Variants in DCTN2 observed in about 807,000 individuals in gnomAD.
The protein encoded by DCTN2 is 50 kDa dynein-associated polypeptide.
In DCTN2, 18 loss-of-function variants were observed where a neutral mutation model predicts 55.4. The observed-to-expected ratio is 0.32, with a 90% confidence interval of 0.22 to 0.48. The LOEUF (loss-of-function observed/expected upper bound fraction) is 0.48. DCTN2 is among the 20% of genes least tolerant of loss of function. The probability of loss-of-function intolerance (pLI) is 0.99; values close to 1 mark genes in which losing one functional copy is unlikely to be tolerated. For synonymous variants in DCTN2, 168 were observed against 185.2 expected (o/e 0.91, Z 0.76); for missense variants, 390 against 491.0 (o/e 0.79, Z 1.94).
At position 57,535,369 on chromosome 12, in the gene DCTN2, C is replaced by G. The variant is rs888830572; in HGVS notation, c.264+115G>C. Reference sequence around the variant, plus strand: ...TTCCCTGGCTGCATCCTGCTGCTTCCTCAGGAACAGAGGAGGAACAGAATC... The same window carrying G: ...TTCCCTGGCTGCATCCTGCTGCTTCGTCAGGAACAGAGGAGGAACAGAATC... On this transcript the variant is annotated intron_variant, in intron 4 of 13. Coordinates refer to ENST00000548249, the MANE Select transcript of DCTN2 (RefSeq NM_001261413.2). 7.2e-6 allele frequency: 10 copies of G among 1,381,732 alleles called. No homozygotes were observed. The East Asian group carries it at 1.8e-4, about 25-fold the overall frequency. 85.6% of individuals were successfully genotyped at this position (1,381,732 alleles called of 1,614,324 possible).
Position 57,534,021 on chromosome 12 carries a change from C to G in DCTN2, c.601G>C (p.Asp201His). 1 of 1,613,652 alleles carries G rather than the reference C, an allele frequency of 6.2e-7. No individual in the cohort carries two copies. Among genetic ancestry groups the G allele is most frequent in the Non-Finnish European group, 8.5e-7 (1 of 1,179,732 alleles). Residue 201 changes from aspartate (D) to histidine (H), a missense_variant, in exon 7 of 14, where the codon GAT becomes CAT. Asp to His is a moderately conservative substitution (Grantham distance 81). Around this residue, in one of 2 missense-constraint regions of DCTN2, gnomAD observed 273 missense variants for 303.2 expected, o/e 0.90. Coordinates refer to ENST00000548249, the MANE Select transcript of DCTN2 (RefSeq NM_001261413.2). ...SGGKTTGTPP[D>H]SSLVTYELHS... Reference sequence around the variant, plus strand: ...AGTTCATAAGTGACAAGGCTGCTATCTGGGGGGGTCCCAGTGGTTTTTCCC... The same window carrying G: ...AGTTCATAAGTGACAAGGCTGCTATGTGGGGGGGTCCCAGTGGTTTTTCCC...
intron 7 of DCTN2, 36 bp from the exon 8 acceptor site, chr12:57,533,339 T>C (rs1473803326): frequency 1.9e-6 from 3 of 1,594,850 alleles, no homozygotes; most frequent in East Asian, 2.2e-5. Flanking sequence ...TGCCATCTGC[T>C]TCCCTGCTGC....
intron 2 of DCTN2, among the ~76,000 whole-genome samples, chr12:57,544,689 G>C (rs1167701738): frequency 1.3e-5 from 2 of 151,956 alleles, no homozygotes; most frequent in Non-Finnish European, 2.9e-5. Flanking sequence ...CACCACACTG[G>C]GCCTATTTTT....
chr12:57,531,870 C>A (rs1879747858), intron 13 of DCTN2, 145 bp downstream of exon 13: 1 of 1,142,312 alleles, frequency 8.8e-7, no homozygotes. Context: ...AGGGCCTTCA[C>A]ATTGAAAGCA....
chr12:57,533,469 C>T (rs747060835), intron 7 of DCTN2, among the ~76,000 whole-genome samples, 166 bp from the exon 8 acceptor site: 7 of 152,088 alleles, frequency 4.6e-5, no homozygotes, highest in Non-Finnish European at 1.0e-4. Context: ...GGTAGATGGG[C>T]GAGGGAAACA....
At chr12:57,533,391 C>T in intron 7 of DCTN2, 88 bp from the exon 8 acceptor site, 3 of 1,173,844 alleles carry the variant, frequency 2.6e-6, no homozygotes, top group South Asian at 2.5e-5. Flanking sequence ...CTGCCTGCCA[C>T]TCACCACCCC....
In DCTN2 at chr12:57,542,205, G is replaced by T. The variant is rs187137480; in HGVS notation, c.105+3823C>A. Among the ~76,000 whole-genome samples, 7 of 152,070 alleles carry T rather than the reference G, an allele frequency of 4.6e-5. No individual in the cohort carries two copies. In the East Asian group the frequency reaches 1.4e-3, roughly 29 times the overall value. On this transcript the variant is annotated intron_variant, in intron 2 of 13. Coordinates refer to ENST00000548249, the MANE Select transcript of DCTN2 (RefSeq NM_001261413.2). ...GCAGGAGAATCTCTTGAACTCGGGA[G>T]GTGGAGGTTACAGTGAGCTGAGATC...
intron 11 of DCTN2, 54 bp from the exon 12 acceptor site, chr12:57,532,369 T>A (rs1879814292): frequency 3.4e-6 from 5 of 1,457,330 alleles, no homozygotes; most frequent in Admixed American, 2.0e-5. Flanking sequence ...CAGGTCAGTA[T>A]GTACAGACTG....
intron 1 of DCTN2, among the ~76,000 whole-genome samples, chr12:57,546,315 G>A (rs1881150230): frequency 6.6e-6 from 1 of 152,204 alleles, no homozygotes; most frequent in Non-Finnish European, 1.5e-5. Context: ...AGTAAACGGT[G>A]AGTGTAAGTG....
In DCTN2 at chr12:57,533,009, G is replaced by C. The variant is rs1413125847; in HGVS notation, c.749C>G (p.Ala250Gly). The C allele has an allele frequency of 5.0e-6, 8 of 1,601,802 alleles. No homozygotes were observed. Among genetic ancestry groups the C allele is most frequent in the Non-Finnish European group, 6.8e-6 (8 of 1,174,586 alleles). ...CDQDAQNPLS[A>G]GLQGACLMET... ...CATGAGACAGGCTCCCTGTAGACCT[G>C]CAGAAAGGGGATTCTGGTGGGAAAG... Residue 250 changes from alanine (A) to glycine (G), a missense_variant, in exon 9 of 14, where the codon GCA (alanine) becomes GGA (glycine). Ala to Gly is a moderately conservative substitution (Grantham distance 60). Transcript: ENST00000548249.
At chr12:57,532,359 C>T in intron 11 of DCTN2, 44 bp from the exon 12 acceptor site, 1 of 1,511,290 alleles carries the variant, frequency 6.6e-7, no homozygotes. Context: ...CTGAGGCAGC[C>T]AGGTCAGTAT....
chr12:57,534,252 C>G, intron 6 of DCTN2, 40 bp downstream of exon 6: 1 of 1,549,338 alleles, frequency 6.5e-7, no homozygotes, highest in Non-Finnish European at 8.8e-7. Flanking sequence ...CATCCACAAC[C>G]CCAGTCAGCA....
Position 57,533,281 on chromosome 12 carries a change from A to AG in DCTN2, c.691dup (p.Leu231ProfsTer11). 1 of 1,613,972 alleles carries AG rather than the reference A, an allele frequency of 6.2e-7. No individual in the cohort carries two copies. The highest frequency in any genetic ancestry group is 8.5e-7 in the Non-Finnish European group (1 of 1,179,886). ...ACGTACAGCTGTCTCCAGCTCTGTC[A>AG]GGCGCTTTTCAAGTTCTGCGACCTA... is the stretch of plus-strand genomic sequence containing the variant. On this transcript the variant is annotated frameshift_variant, in exon 8 of 14. Coordinates refer to ENST00000548249, the MANE Select transcript of DCTN2 (RefSeq NM_001261413.2). LOFTEE classifies it high-confidence loss of function.
At chr12:57,545,131 T>C (rs990047985) in intron 2 of DCTN2, among the ~76,000 whole-genome samples, 4 of 152,230 alleles carry the variant, frequency 2.6e-5, no homozygotes, top group African/African-American at 9.6e-5. Flanking sequence ...ATACTGAGCC[T>C]GCATATTGCA....
rs769411839 is a variant in DCTN2, at chr12:57,535,713, A to G, written c.202+36T>C. On this transcript the variant is annotated intron_variant, in intron 3 of 13. Transcript: ENST00000548249. ...AAACCACTTCTCATGCTTATCCTCCAGTCTTCCCCCCACCCAGCTTCCAGC... is the reference window on the plus strand; with the variant it reads ...AAACCACTTCTCATGCTTATCCTCCGGTCTTCCCCCCACCCAGCTTCCAGC... The G allele has an allele frequency of 7.6e-6, 12 of 1,579,604 alleles. No homozygotes were observed. The East Asian group carries it at 2.7e-4, about 35-fold the overall frequency.
At chr12:57,538,434 AT>A in intron 2 of DCTN2, 1 of 724,288 alleles carries the variant, frequency 1.4e-6, no homozygotes, top group Non-Finnish European at 2.5e-6. Flanking sequence ...TGAATGAAAG[AT>A]TTAGTAGAGT....
intron 2 of DCTN2, chr12:57,542,974 A>G (rs1012117867): frequency 4.4e-6 from 2 of 455,964 alleles, no homozygotes; most frequent in Non-Finnish European, 8.8e-6. Context: ...CTGTGCATAC[A>G]TTACCTACTT....
At chr12:57,544,969 A>T (rs1413296970) in intron 2 of DCTN2, among the ~76,000 whole-genome samples, 1 of 152,218 alleles carries the variant, frequency 6.6e-6, no homozygotes, top group African/African-American at 2.4e-5. Context: ...AGGGACAGAG[A>T]AGGTGTTTCC....
intron 1 of DCTN2, among the ~76,000 whole-genome samples, chr12:57,546,668 T>C (rs2140143253): frequency 6.6e-6 from 1 of 151,796 alleles, no homozygotes; most frequent in African/African-American, 2.4e-5. Context: ...CATCGTTAAG[T>C]GGTCTGGTGT....
Sources: allele counts gnomAD v4.1 joint callset (sites outside exome capture counted in the v4.1 genomes callset), GRCh38; gene constraint gnomAD v4.1.1; regional missense constraint gnomAD v4.1.1; transcripts MANE v1.5; gene names NCBI Gene and HGNC (gene_info 2026-07-23, HGNC 2026-07-21).